The following CNTN4 variants were observed in gnomAD, a reference collection of about 807,000 sequenced individuals.
CNTN4 encodes contactin-4.
In CNTN4, 77 loss-of-function variants were observed where a neutral mutation model predicts 122.5. That is an observed-to-expected ratio of 0.63 (90% CI 0.52 to 0.76). CNTN4 has a LOEUF of 0.76. CNTN4 is among the 30% of genes least tolerant of loss of function. CNTN4 has a pLI of 0.00. For missense variants in CNTN4, 1,256 were observed against 1,259.1 expected, an observed-to-expected ratio of 1.00 and a Z score of 0.04; for synonymous variants, 512 against 447.0, an observed-to-expected ratio of 1.15 and a Z score of -1.83.
At chr3:2,609,963 CT>C (rs1485005059) in intron 4 of CNTN4, among the ~76,000 whole-genome samples, 2 of 152,062 alleles carry the variant, frequency 1.3e-5, no homozygotes, top group Non-Finnish European at 2.9e-5. Context: ...ATAAAAGTAG[CT>C]TTTATCTTTG....
chr3:2,891,704 G>A (rs1454234472), intron 10 of CNTN4, among the ~76,000 whole-genome samples: 1 of 152,194 alleles, frequency 6.6e-6, no homozygotes, highest in African/African-American at 2.4e-5. Flanking sequence ...CTAAATCATA[G>A]TGAGCAAGGG....
chr3:2,383,107 A>G (rs901963459), intron 3 of CNTN4, among the ~76,000 whole-genome samples: 1 of 152,052 alleles, frequency 6.6e-6, no homozygotes, highest in Non-Finnish European at 1.5e-5. Context: ...AAATAGCTTC[A>G]TTGACAATTG....
chr3:2,798,758 A>C (rs1055291054), intron 6 of CNTN4, among the ~76,000 whole-genome samples: 41 of 151,978 alleles, frequency 2.7e-4, no homozygotes, highest in Admixed American at 6.6e-5. Context: ...TACTGCACCC[A>C]CCTCAACCTC....
intron 3 of CNTN4, among the ~76,000 whole-genome samples, chr3:2,513,498 CTTT>C (rs749746423): frequency 6.7e-6 from 1 of 150,366 alleles, no homozygotes; most frequent in African/African-American, 2.4e-5. Context: ...GTTTCGATTT[CTTT>C]TTTTTTCAGG....
At chr3:3,024,406 A>C (rs979878175) in intron 14 of CNTN4, among the ~76,000 whole-genome samples, 7 of 147,416 alleles carry the variant, frequency 4.7e-5, no homozygotes, top group East Asian at 1.9e-4. Context: ...AAAAAAAAAA[A>C]AACAACTTCA....
At chr3:2,819,774 C>T (rs112822876) in intron 7 of CNTN4, among the ~76,000 whole-genome samples, 193 bp downstream of exon 7, 2,396 of 152,262 alleles carry the variant, frequency 0.016, 32 homozygotes, top group Non-Finnish European at 0.022. Flanking sequence ...TGCAAATTTT[C>T]CACCCCACTG....
At chr3:2,786,428 C>T (rs1490688787) in intron 6 of CNTN4, among the ~76,000 whole-genome samples, 1 of 152,224 alleles carries the variant, frequency 6.6e-6, no homozygotes, top group East Asian at 1.9e-4. Context: ...GTGCTTGTCC[C>T]AGCCTCTGCA....
intron 3 of CNTN4, among the ~76,000 whole-genome samples, chr3:2,406,099 G>A (rs1434325336): frequency 6.6e-6 from 1 of 151,822 alleles, no homozygotes; most frequent in Non-Finnish European, 1.5e-5. Flanking sequence ...AGATACACTG[G>A]CATGCTAAAT....
At chr3:3,008,877 T>C (rs925928452) in intron 14 of CNTN4, 1 of 885,148 alleles carries the variant, frequency 1.1e-6, no homozygotes, top group Admixed American at 6.2e-5. Context: ...GGGTTTCCCA[T>C]TGTCCTCGGC....
At chr3:2,523,648 A>G (rs769291627) in intron 3 of CNTN4, among the ~76,000 whole-genome samples, 2 of 152,020 alleles carry the variant, frequency 1.3e-5, no homozygotes, top group African/African-American at 2.4e-5. Context: ...CAGAGTCAGT[A>G]TGAAGAGGTT....
At chr3:2,157,912 A>C (rs970692969) in intron 2 of CNTN4, among the ~76,000 whole-genome samples, 2 of 152,222 alleles carry the variant, frequency 1.3e-5, no homozygotes, top group Non-Finnish European at 2.9e-5. Flanking sequence ...CACACACACA[A>C]AATCATTCTC....
At chr3:2,954,616 G>A (rs963125169) in intron 13 of CNTN4, among the ~76,000 whole-genome samples, 2 of 151,788 alleles carry the variant, frequency 1.3e-5, no homozygotes, top group Admixed American at 1.3e-4. Context: ...TTCACTGAGG[G>A]GGAGGGCAGT....
chr3:3,040,498 T>C, intron 20 of CNTN4: 2 of 568,534 alleles, frequency 3.5e-6, no homozygotes, highest in Non-Finnish European at 6.3e-6. Flanking sequence ...ATTGATTCCA[T>C]TGCTAAGGAC....
chr3:2,477,942 CATATA>C (rs1311689729), intron 3 of CNTN4, among the ~76,000 whole-genome samples: 1 of 152,168 alleles, frequency 6.6e-6, no homozygotes. Flanking sequence ...TTTGCTGAAA[CATATA>C]ATCTATTTTT....
chr3:2,601,274 C>T (rs1166651793), intron 4 of CNTN4, among the ~76,000 whole-genome samples: 1 of 152,154 alleles, frequency 6.6e-6, no homozygotes, highest in African/African-American at 2.4e-5. Context: ...AAAGTCCTTG[C>T]CCATGCCTAT....
chr3:2,637,544 AG>A (rs1370454957), intron 4 of CNTN4, among the ~76,000 whole-genome samples: 1 of 152,100 alleles, frequency 6.6e-6, no homozygotes, highest in Non-Finnish European at 1.5e-5. Context: ...TGTGCAATAC[AG>A]GGGCCCAAGT....
chr3:2,326,335 G>A (rs12639256), intron 2 of CNTN4, among the ~76,000 whole-genome samples: 53,723 of 151,926 alleles, frequency 0.35, 10,418 homozygotes, highest in East Asian at 0.8. Flanking sequence ...TGGAAATACA[G>A]CATCTCACGT....
chr3:2,231,317 A>C (rs2039480033), intron 2 of CNTN4, among the ~76,000 whole-genome samples: 1 of 152,232 alleles, frequency 6.6e-6, no homozygotes, highest in Non-Finnish European at 1.5e-5. Flanking sequence ...TGCCATGCTT[A>C]GGCATGGAGA....
In CNTN4 at chr3:2,602,530, A is replaced by G. The variant is rs185948023; in HGVS notation, c.55+30972A>G. ...TAAAATACCTAGGAATCCAACTTAC[A>G]AGGGATGTGAAGGACCTCTTCAAGG... On this transcript the variant is annotated intron_variant, in intron 4 of 24. Transcript: ENST00000418658. Among the ~76,000 whole-genome samples, 168 of 152,288 alleles carry G rather than the reference A, an allele frequency of 1.1e-3. 1 individual carries two copies. The highest frequency in any genetic ancestry group is 1.7e-3 in the Non-Finnish European group (117 of 68,022).
Sources: allele counts gnomAD v4.1 joint callset (sites outside exome capture counted in the v4.1 genomes callset), GRCh38; gene constraint gnomAD v4.1.1; transcripts MANE v1.5; gene names NCBI Gene and HGNC (gene_info 2026-07-23, HGNC 2026-07-21).